The following CDS2 variants were observed in gnomAD, a reference collection of about 807,000 sequenced individuals.
The protein encoded by CDS2 is phosphatidate cytidylyltransferase 2.
In CDS2, 47 loss-of-function variants were observed where a neutral mutation model predicts 59.0. The observed-to-expected ratio is 0.80, with a 90% CI of 0.63 to 1.02. CDS2 has a LOEUF of 1.02. Ranked by LOEUF, CDS2 falls within the 50% of genes least tolerant of loss-of-function variation. The pLI, the probability that CDS2 is intolerant of heterozygous loss-of-function variation, is 0.00. For synonymous variants in CDS2, 207 were observed against 206.4 expected, an observed-to-expected ratio of 1.00 and a Z score of -0.02; for missense variants, 356 against 558.9, an observed-to-expected ratio of 0.64 and a Z score of 3.66.
intron 1 of CDS2, among the ~76,000 whole-genome samples, chr20:5,161,223 G>GTTTTTCT (rs1162554855): frequency 6.6e-6 from 1 of 152,234 alleles, no homozygotes; most frequent in Admixed American, 6.5e-5. Flanking sequence ...TGTTATTTTG[G>GTTTTTCT]TTTTTCTTTT....
intron 1 of CDS2, among the ~76,000 whole-genome samples, chr20:5,165,006 GGAGAGA>G (rs2090903320): frequency 6.6e-6 from 1 of 152,202 alleles, no homozygotes; most frequent in Admixed American, 6.5e-5. Flanking sequence ...GGGCAAGGTG[GGAGAGA>G]GTGTTGGGAG....
At chr20:5,134,186 C>T (rs186952823) in intron 1 of CDS2, among the ~76,000 whole-genome samples, 1 of 152,178 alleles carries the variant, frequency 6.6e-6, no homozygotes, top group Non-Finnish European at 1.5e-5. Flanking sequence ...CGGCGCAGTG[C>T]TTGAAGACCA....
intron 1 of CDS2, among the ~76,000 whole-genome samples, chr20:5,148,619 G>A (rs1048152584): frequency 6.6e-6 from 1 of 152,176 alleles, no homozygotes; most frequent in Non-Finnish European, 1.5e-5. Context: ...CCATAAATCT[G>A]CTTCCAGTGT....
Position 5,131,944 on chromosome 20 carries a change from G to GA in CDS2, c.57+4801dup, listed in dbSNP as rs1483699775. ...CTACTGATTAAAATAGATTTTTATA[G>GA]AAAAAACTTTAATATTCATCTTACA... On this transcript the variant is annotated intron_variant, in intron 1 of 12. Coordinates refer to ENST00000460006, the MANE Select transcript of CDS2 (RefSeq NM_003818.4). Among the ~76,000 whole-genome samples, 3 of 152,256 alleles carry GA rather than the reference G, an allele frequency of 2.0e-5. No homozygotes were observed. In the East Asian group the frequency reaches 5.8e-4, roughly 29 times the overall value.
At chr20:5,183,032 A>G in intron 6 of CDS2, 29 bp from the exon 7 acceptor site, 1 of 1,580,788 alleles carries the variant, frequency 6.3e-7, no homozygotes. Flanking sequence ...TAAACTGGTA[A>G]GTAGTGTTTA....
chr20:5,163,057 T>C (rs1206615367), intron 1 of CDS2, among the ~76,000 whole-genome samples: 1 of 152,090 alleles, frequency 6.6e-6, no homozygotes, highest in Non-Finnish European at 1.5e-5. Flanking sequence ...TGAAAGTAAT[T>C]TGATGGCCAG....
chr20:5,160,754 T>C (rs1216808888), intron 1 of CDS2, among the ~76,000 whole-genome samples: 1 of 152,200 alleles, frequency 6.6e-6, no homozygotes, highest in East Asian at 1.9e-4. Flanking sequence ...TTCTATTTTC[T>C]GTCTCTACGA....
intron 7 of CDS2, 177 bp downstream of exon 7, chr20:5,183,320 G>C: frequency 1.7e-6 from 1 of 603,574 alleles, no homozygotes; most frequent in Non-Finnish European, 3.0e-6. Flanking sequence ...ATCTGGGGTA[G>C]GCTTGAGAAT....
At chr20:5,182,256 G>T in intron 5 of CDS2, 131 bp from the exon 6 acceptor site, 2 of 602,056 alleles carry the variant, frequency 3.3e-6, no homozygotes, top group South Asian at 2.4e-5. Context: ...TTCTCCCCTG[G>T]GCTTTGACAT....
intron 1 of CDS2, among the ~76,000 whole-genome samples, chr20:5,144,600 T>C (rs1360386277): frequency 7.2e-5 from 11 of 152,228 alleles, no homozygotes; most frequent in Admixed American, 7.2e-4. Flanking sequence ...AAATGAGTAA[T>C]GATTCTGACG....
chr20:5,164,147 A>G (rs1277902532), intron 1 of CDS2, among the ~76,000 whole-genome samples: 1 of 152,038 alleles, frequency 6.6e-6, no homozygotes, highest in Non-Finnish European at 1.5e-5. Flanking sequence ...TGTTAATTCC[A>G]TGTTCTTCAA....
Position 5,191,716 on chromosome 20 carries a change from C to G in CDS2, c.*1482C>G, listed in dbSNP as rs1317327446. ...AGAGGATGGAGCCCTCGGGATGTTT[C>G]AGCTCACACATCCTTGAGTGACTTC... is the stretch of plus-strand genomic sequence containing the variant. On this transcript the variant is annotated 3_prime_UTR_variant, in exon 13 of 13. Transcript: ENST00000460006. 2 of 152,344 alleles carry G rather than the reference C, an allele frequency of 1.3e-5. No homozygotes were observed. Among genetic ancestry groups the G allele is most frequent in the African/African-American group, 2.4e-5 (1 of 41,576 alleles). 9.4% of individuals were successfully genotyped at this position (152,344 alleles called of 1,614,324 possible). A position where few individuals can be genotyped will look rare whatever the true frequency, so the allele number is the denominator to read the frequency against.
At chr20:5,128,844 GGAGA>G (rs2090578773) in intron 1 of CDS2, 1 of 152,156 alleles carries the variant, frequency 6.6e-6, no homozygotes. Flanking sequence ...GAAGGTGTGA[GGAGA>G]GAGAGAAGAA....
At chr20:5,138,116 A>ATTTT (rs11475285) in intron 1 of CDS2, among the ~76,000 whole-genome samples, 3 of 143,292 alleles carry the variant, frequency 2.1e-5, no homozygotes, top group Non-Finnish European at 4.6e-5. Context: ...ATTTCTTTAA[A>ATTTT]TTTTTTTTTT....
In CDS2 at chr20:5,190,112, C is replaced by G; in HGVS notation, c.1216C>G (p.Pro406Ala). 1 of 1,613,926 alleles carries G rather than the reference C, an allele frequency of 6.2e-7. No homozygotes were observed. Among genetic ancestry groups the G allele is most frequent in the Non-Finnish European group, 8.5e-7 (1 of 1,179,870 alleles). Residue 406 changes from proline to alanine, a missense_variant, in exon 13 of 13, where the codon CCA becomes GCA. This residue lies in a region of CDS2 where 41 missense variants were observed against 104.4 expected (regional missense o/e 0.39). Coordinates refer to ENST00000460006, the MANE Select transcript of CDS2 (RefSeq NM_003818.4). ...CACATTCTGTTCCAGAGGCCCTAAC[C>G]CAAGCAAACTGATTCAGCAGTTCCT... ...YIASFIRGPN[P>A]SKLIQQFLTL...
intron 11 of CDS2, 152 bp from the exon 12 acceptor site, chr20:5,189,583 C>A: frequency 1.5e-6 from 1 of 645,724 alleles, no homozygotes; most frequent in East Asian, 2.6e-5. Flanking sequence ...AAATTGTGTC[C>A]TAATATAGCC....
At chr20:5,169,373 C>T (rs1037357625) in intron 1 of CDS2, among the ~76,000 whole-genome samples, 24 of 152,222 alleles carry the variant, frequency 1.6e-4, no homozygotes, top group Admixed American at 1.4e-3. Flanking sequence ...GTCCTGCTGC[C>T]AGGGCTGCTG....
intron 1 of CDS2, among the ~76,000 whole-genome samples, chr20:5,140,335 G>A (rs758178272): frequency 2.4e-4 from 37 of 152,272 alleles, no homozygotes; most frequent in Middle Eastern, 3.4e-3. Context: ...TTTAGGTTTT[G>A]ATACAATTAA....
intron 10 of CDS2, 116 bp from the exon 11 acceptor site, chr20:5,188,951 G>A: frequency 1.5e-6 from 2 of 1,314,702 alleles, no homozygotes; most frequent in South Asian, 2.5e-5. Context: ...CCTCCCACTA[G>A]GCATCACCTC....
Sources: allele counts gnomAD v4.1 joint callset (sites outside exome capture counted in the v4.1 genomes callset), GRCh38; gene constraint gnomAD v4.1.1; regional missense constraint gnomAD v4.1.1; transcripts MANE v1.5; gene names NCBI Gene and HGNC (gene_info 2026-07-23, HGNC 2026-07-21).